Variants in OR51B5 observed in about 807,000 individuals in gnomAD.
OR51B5 encodes olfactory receptor family 51 subfamily B member 5, also known as olfactory receptor 51B5.
For synonymous variants in OR51B5, 186 were observed against 144.8 expected, an observed-to-expected ratio of 1.28 and a Z score of -2.04; for missense variants, 456 against 374.6, an observed-to-expected ratio of 1.22 and a Z score of -1.79.
intron 1 of OR51B5, among the ~76,000 whole-genome samples, chr11:5,373,020 G>A (rs7482183): frequency 0.96 from 145,516 of 152,312 alleles, 70,023 homozygotes; most frequent in Non-Finnish European, 0.98. Context: ...ATAAATTTAC[G>A]TATATACAGT....
At chr11:5,429,472 C>T (rs1284014029) in intron 1 of OR51B5, among the ~76,000 whole-genome samples, 2 of 152,012 alleles carry the variant, frequency 1.3e-5, no homozygotes, top group Non-Finnish European at 2.9e-5. Flanking sequence ...AATTGGAGGC[C>T]CCAAAGTGAG....
At chr11:5,422,037 T>C (rs2133760482) in intron 1 of OR51B5, 1 of 605,976 alleles carries the variant, frequency 1.7e-6, no homozygotes, top group East Asian at 2.8e-5. Context: ...AAGGAAAGGA[T>C]ATCATATATC....
At chr11:5,408,904 A>G (rs889611553) in intron 1 of OR51B5, among the ~76,000 whole-genome samples, 5 of 152,104 alleles carry the variant, frequency 3.3e-5, no homozygotes, top group African/African-American at 1.2e-4. Context: ...AATCACCAAA[A>G]ACAAGCCCAT....
intron 1 of OR51B5, among the ~76,000 whole-genome samples, chr11:5,387,499 T>G (rs549269221): frequency 1.7e-4 from 26 of 152,318 alleles, no homozygotes; most frequent in African/African-American, 6.0e-4. Flanking sequence ...CTTATATCCA[T>G]GCAGCACCTC....
At chr11:5,422,593 C>A in intron 1 of OR51B5, 1 of 1,614,138 alleles carries the variant, frequency 6.2e-7, no homozygotes, top group South Asian at 1.1e-5. Context: ...TCTGCTGTCC[C>A]CTCCATTATG....
chr11:5,365,934 G>C (rs1849357780), intron 1 of OR51B5, among the ~76,000 whole-genome samples: 1 of 152,122 alleles, frequency 6.6e-6, no homozygotes, highest in African/African-American at 2.4e-5. Context: ...GGCATGAAGG[G>C]GGCAGGCTCA....
At chr11:5,427,094 C>T (rs1850462895) in intron 1 of OR51B5, among the ~76,000 whole-genome samples, 2 of 152,292 alleles carry the variant, frequency 1.3e-5, no homozygotes, top group South Asian at 4.1e-4. Flanking sequence ...TTATTCATTT[C>T]CCCTGGAAAT....
chr11:5,435,650 T>C (rs932269789), intron 1 of OR51B5, among the ~76,000 whole-genome samples: 5 of 152,216 alleles, frequency 3.3e-5, no homozygotes, highest in East Asian at 1.9e-4. Flanking sequence ...CTTTCCTTCT[T>C]CTCTTAACCT....
intron 1 of OR51B5, among the ~76,000 whole-genome samples, chr11:5,349,418 T>C (rs534776525): frequency 6.4e-4 from 97 of 152,248 alleles, no homozygotes; most frequent in African/African-American, 2.2e-3. Flanking sequence ...TTTTTTAATT[T>C]ATCAATTATA....
intron 1 of OR51B5, among the ~76,000 whole-genome samples, chr11:5,420,123 C>G (rs1850309416): frequency 1.3e-5 from 2 of 151,788 alleles, no homozygotes; most frequent in Non-Finnish European, 2.9e-5. Flanking sequence ...ACATAAAAGT[C>G]TATTTTCATT....
At chr11:5,437,332 G>A (rs1392557986) in intron 1 of OR51B5, among the ~76,000 whole-genome samples, 3 of 152,044 alleles carry the variant, frequency 2.0e-5, no homozygotes, top group Non-Finnish European at 2.9e-5. Flanking sequence ...AGATTCCAAC[G>A]GGAAAATTCC....
chr11:5,480,234 G>A (rs1215168416), intron 1 of OR51B5, among the ~76,000 whole-genome samples: 1 of 150,258 alleles, frequency 6.7e-6, no homozygotes, highest in Non-Finnish European at 1.5e-5. Flanking sequence ...CATGGAAACT[G>A]AACAACCTGC....
chr11:5,361,637 T>G lies in OR51B5; in HGVS notation n.85-14727A>C, dbSNP rs79780644. Among the ~76,000 whole-genome samples the G allele has an allele frequency of 3.3e-5, 5 of 151,922 alleles. No individual in the cohort carries two copies. The South Asian group carries it at 1.0e-3, about 32-fold the overall frequency. On this transcript the variant is annotated intron_variant and non_coding_transcript_variant, in intron 1 of 4. Coordinates refer to the OR51B5 transcript ENST00000415970. ...CAAGATGTGATGGGGTATAAGAATC[T>G]ATCATCCCAAAGACTCCCTAAAATC...
chr11:5,465,205 C>CA (rs34459420), intron 1 of OR51B5, among the ~76,000 whole-genome samples: 8,787 of 45,408 alleles, frequency 0.19, 1,710 homozygotes, highest in East Asian at 0.35. Context: ...GACTCCGTCT[C>CA]AAAAAAAAAA....
chr11:5,362,647 C>G, intron 1 of OR51B5: 1 of 189,572 alleles, frequency 5.3e-6, no homozygotes, highest in South Asian at 1.4e-4. Flanking sequence ...GATACAACAG[C>G]CCGGTCAACC....
chr11:5,433,409 TG>T (rs1477019560), intron 1 of OR51B5, among the ~76,000 whole-genome samples: 14 of 152,220 alleles, frequency 9.2e-5, no homozygotes, highest in Non-Finnish European at 1.9e-4. Context: ...GTATAAAAAC[TG>T]AATTACTTCC....
intron 1 of OR51B5, among the ~76,000 whole-genome samples, chr11:5,374,267 GGGTCCTGTCTGTTA>G (rs1219144084): frequency 7.2e-5 from 11 of 152,138 alleles, no homozygotes; most frequent in African/African-American, 2.7e-4. Flanking sequence ...CTGCAGCTGA[GGGTCCTGTCTGTTA>G]GAAGGAAAAC....
At chr11:5,375,046 T>C (rs1446643730) in intron 1 of OR51B5, among the ~76,000 whole-genome samples, 1 of 150,736 alleles carries the variant, frequency 6.6e-6, no homozygotes, top group Non-Finnish European at 1.5e-5. Context: ...TTCACCAAAG[T>C]TGAAATGAAG....
At chr11:5,403,344 G>A (rs1446965632) in intron 1 of OR51B5, 2 of 471,472 alleles carry the variant, frequency 4.2e-6, no homozygotes, top group Non-Finnish European at 8.8e-6. Context: ...CGTCTGTGCT[G>A]TGCTTGCTTA....
Sources: gnomAD v4.1 joint callset for allele counts (sites outside exome capture counted in the v4.1 genomes callset) on GRCh38, gnomAD v4.1.1 for gene constraint, MANE v1.5 for transcripts, NCBI Gene and HGNC (gene_info 2026-07-23, HGNC 2026-07-21) for gene names.